BIRC3: variants seen among roughly 807,000 people sequenced by gnomAD.
BIRC3 encodes the protein baculoviral IAP repeat-containing protein 3.
A neutral mutation model predicts 59.0 loss-of-function variants in BIRC3; 26 were observed. The ratio of observed to expected loss-of-function variants is 0.44; its 90% CI spans 0.32 to 0.61. The LOEUF (loss-of-function observed/expected upper bound fraction) is 0.61. BIRC3 is among the 20% of genes least tolerant of loss of function. BIRC3 has a pLI of 0.04. For synonymous variants in BIRC3, 243 were observed against 249.2 expected (o/e 0.98, Z 0.24); for missense variants, 641 against 711.5 (o/e 0.90, Z 1.13).
At chr11:102,334,775 G>C (rs985020645) in intron 6 of BIRC3, among the ~76,000 whole-genome samples, 3 of 152,196 alleles carry the variant, frequency 2.0e-5, no homozygotes, top group East Asian at 3.8e-4. Context: ...TCTAGGTCTT[G>C]AAGGAGAATT....
chr11:102,331,047 T>A lies in BIRC3; in HGVS notation c.1130T>A (p.Met377Lys). ...GEDHSEDAIM[M>K]NTPVINAAVE... is the part of the protein sequence containing the mutation. ...GACCATTCAGAAGATGCAATCATGA[T>A]GAATACTCCTGTGATTAATGCTGCC... The change falls in exon 6 of 9, where the codon ATG becomes AAG. Residue 377 changes from methionine to lysine, a missense_variant. Transcript: ENST00000263464. 6.2e-7 allele frequency: 1 copy of A among 1,613,826 alleles called. No individual in the cohort carries two copies. The highest frequency in any genetic ancestry group is 2.2e-5 in the East Asian group (1 of 44,820).
chr11:102,333,119 T>C (rs1951161182), intron 6 of BIRC3, among the ~76,000 whole-genome samples: 1 of 152,190 alleles, frequency 6.6e-6, no homozygotes. Context: ...TATATATATA[T>C]CTCTACTACC....
chr11:102,323,691 GA>G lies in BIRC3; in HGVS notation c.-816del, dbSNP rs1951053950. Reference sequence around the variant, plus strand: ...ACTAGTAAATCTCTTTATTTGGAGAGAAATTTTAGATTGTTTTGTTCTCCTT... The same window carrying G: ...ACTAGTAAATCTCTTTATTTGGAGAGAATTTTAGATTGTTTTGTTCTCCTT... On this transcript the variant is annotated 5_prime_UTR_variant, in exon 2 of 9. Transcript: ENST00000263464. 1 of 198,062 alleles carries G rather than the reference GA, an allele frequency of 5.0e-6. No homozygotes were observed. Among genetic ancestry groups the G allele is most frequent in the Non-Finnish European group, 1.0e-5 (1 of 95,894 alleles). 12.3% of individuals were successfully genotyped at this position (198,062 alleles called of 1,614,324 possible).
In BIRC3 at chr11:102,325,010, T is replaced by A; in HGVS notation, c.501T>A (p.Asn167Lys). Residue 167 changes from asparagine to lysine, a missense_variant, in exon 2 of 9, where the codon AAT (asparagine) becomes AAA (lysine). Transcript: ENST00000263464. ...LMRSSYHCAM[N>K]NENARLLTFQ... ...GAAGTTCCTACCACTGTGCAATGAA[T>A]AACGAAAATGCCAGATTACTTACTT... 6.2e-7 allele frequency: 1 copy of A among 1,614,192 alleles called. No individual in the cohort carries two copies. The highest frequency in any genetic ancestry group is 1.1e-5 in the South Asian group (1 of 91,082).
At chr11:102,326,513 A>G (rs1951082504) in intron 3 of BIRC3, among the ~76,000 whole-genome samples, 1 of 151,932 alleles carries the variant, frequency 6.6e-6, no homozygotes, top group African/African-American at 2.4e-5. Flanking sequence ...AGTTTTTTAC[A>G]CTCTCCTTTT....
intron 5 of BIRC3, among the ~76,000 whole-genome samples, chr11:102,330,244 A>T (rs985550876): frequency 6.6e-6 from 1 of 152,214 alleles, no homozygotes; most frequent in Non-Finnish European, 1.5e-5. Flanking sequence ...ACAAAGGAGA[A>T]TAGGCACCTT....
Position 102,328,094 on chromosome 11 carries a change from T to C in BIRC3, c.996T>C (p.Arg332=), listed in dbSNP as rs772804840. The C allele has an allele frequency of 8.7e-6, 14 of 1,609,878 alleles. No individual in the cohort carries two copies. The highest frequency in any genetic ancestry group is 1.2e-5 in the Non-Finnish European group (14 of 1,178,810). ...LIRIKGQEFI[R]QVQASYPHLL... ...GAATTAAAGGACAGGAGTTCATCCG[T>C]CAAGTTCAAGCCAGTTACCCTCATC... Residue 332 remains arginine (R), a synonymous_variant, in exon 4 of 9, where the codon CGT becomes CGC. Transcript: ENST00000263464.
In BIRC3 at chr11:102,317,939, G is replaced by T. The variant is rs1950987601; in HGVS notation, c.-2674+368G>T. Among the ~76,000 whole-genome samples, 3 of 152,194 alleles carry T rather than the reference G, an allele frequency of 2.0e-5. No homozygotes were observed. In the South Asian group the frequency reaches 6.2e-4, roughly 31 times the overall value. Reference sequence around the variant, plus strand: ...TAAGGCAGAGCTCTGGCACAGGAAGGAAGTAAAACGTTTAATGAGCAAATG... The same window carrying T: ...TAAGGCAGAGCTCTGGCACAGGAAGTAAGTAAAACGTTTAATGAGCAAATG... On this transcript the variant is annotated intron_variant, in intron 1 of 8. Coordinates refer to ENST00000263464, the MANE Select transcript of BIRC3 (RefSeq NM_001165.5).
chr11:102,335,388 G>T (rs1430508479), intron 6 of BIRC3, among the ~76,000 whole-genome samples: 1 of 152,164 alleles, frequency 6.6e-6, no homozygotes, highest in East Asian at 1.9e-4. Flanking sequence ...AGTTCCATTT[G>T]GTTAAAGGCT....
rs1471568052 is a variant in BIRC3, at chr11:102,331,249, G to C, written c.1324+8G>C. ...CTGAGGAAAAAGAATCAAGTATGTA[G>C]ATTTATTAATACAGTCTATTTTCAT... On this transcript the variant is annotated splice_region_variant and intron_variant, in intron 6 of 8. Transcript: ENST00000263464. 1 of 1,601,614 alleles carries C rather than the reference G, an allele frequency of 6.2e-7. No homozygotes were observed. The highest frequency in any genetic ancestry group is 1.7e-5 in the Admixed American group (1 of 57,732).
chr11:102,328,054 G>A lies in BIRC3; in HGVS notation c.956G>A (p.Cys319Tyr). The A allele has an allele frequency of 6.2e-7, 1 of 1,601,538 alleles. No individual in the cohort carries two copies. The highest frequency in any genetic ancestry group is 8.5e-7 in the Non-Finnish European group (1 of 1,175,224). The stretch of plus-strand genomic sequence containing the variant: ...ATTTTATTTTCTTTACATTTTAGGT[G>A]TGAGTACTTGATAAGAATTAAAGGA... ...WVQHAKWFPR[C>Y]EYLIRIKGQE... is the part of the protein sequence containing the mutation. Residue 319 changes from cysteine to tyrosine, a missense_variant and splice_region_variant, in exon 4 of 9, where the codon TGT becomes TAT. By Grantham distance (194) the Cys-to-Tyr change is radical. Around this residue, in one of 4 missense-constraint regions of BIRC3, gnomAD observed 3 missense variants for 16.9 expected, o/e 0.18. Transcript: ENST00000263464.
intron 3 of BIRC3, 84 bp from the exon 4 acceptor site, chr11:102,327,968 C>T (rs1280296081): frequency 5.8e-6 from 6 of 1,032,436 alleles, no homozygotes; most frequent in African/African-American, 1.6e-5. Flanking sequence ...GGAATAAACA[C>T]CTAGAGATGA....
intron 3 of BIRC3, 142 bp from the exon 4 acceptor site, chr11:102,327,910 T>C: frequency 1.7e-6 from 1 of 602,250 alleles, no homozygotes; most frequent in Non-Finnish European, 2.8e-6. Context: ...TTAGAATAAA[T>C]GATCTTAAAT....
chr11:102,332,671 C>A (rs374016879), intron 6 of BIRC3, among the ~76,000 whole-genome samples: 50 of 152,284 alleles, frequency 3.3e-4, no homozygotes, highest in South Asian at 2.5e-3. Flanking sequence ...AGGGATAAAT[C>A]CAACCCTGCC....
rs753691651 is a variant in BIRC3, at chr11:102,324,863, A to C, written c.354A>C (p.Thr118=). The C allele has an allele frequency of 1.4e-5, 22 of 1,614,214 alleles. No homozygotes were observed. The highest frequency in any genetic ancestry group is 1.9e-5 in the Non-Finnish European group (22 of 1,180,034). ...TSQPTFPSSV[T]NSTHSLLPGT... ...AGCCTACTTTTCCTTCTTCAGTAACAAATTCCACACACTCATTACTTCCGG... is the reference window on the plus strand; with the variant it reads ...AGCCTACTTTTCCTTCTTCAGTAACCAATTCCACACACTCATTACTTCCGG... The change falls in exon 2 of 9, where the codon ACA becomes ACC. Residue 118 remains threonine, a synonymous_variant. Coordinates refer to ENST00000263464, the MANE Select transcript of BIRC3 (RefSeq NM_001165.5).
At chr11:102,328,867 TA>T in intron 4 of BIRC3, 29 bp from the exon 5 acceptor site, 1 of 767,766 alleles carries the variant, frequency 1.3e-6, no homozygotes, top group Non-Finnish European at 1.7e-6. Flanking sequence ...TTTATATATA[TA>T]TATATATATA....
At chr11:102,318,793 G>C (rs1294032137) in intron 1 of BIRC3, among the ~76,000 whole-genome samples, 1 of 152,188 alleles carries the variant, frequency 6.6e-6, no homozygotes, top group Non-Finnish European at 1.5e-5. Flanking sequence ...TATCAGAGAA[G>C]CCCAGGGAAT....
chr11:102,326,119 C>T (rs1035865678), intron 3 of BIRC3, among the ~76,000 whole-genome samples: 1 of 152,172 alleles, frequency 6.6e-6, no homozygotes, highest in African/African-American at 2.4e-5. Context: ...TATTGGCAGG[C>T]ATTGTTCTGG....
chr11:102,331,197 T>C lies in BIRC3; in HGVS notation c.1280T>C (p.Ile427Thr). The change falls in exon 6 of 9, where the codon ATA becomes ACA. Residue 427 changes from isoleucine to threonine, a missense_variant. Transcript: ENST00000263464. ...VLDLLNAEDEIREEERERATE... is the reference protein window; with the variant it reads ...VLDLLNAEDETREEERERATE... ...GACTTACTCAATGCAGAAGATGAAATAAGGGAAGAGGAGAGAGAAAGAGCA... is the reference window on the plus strand; with the variant it reads ...GACTTACTCAATGCAGAAGATGAAACAAGGGAAGAGGAGAGAGAAAGAGCA... The C allele has an allele frequency of 6.2e-7, 1 of 1,613,178 alleles. No individual in the cohort carries two copies. The highest frequency in any genetic ancestry group is 8.5e-7 in the Non-Finnish European group (1 of 1,179,666).
Sources: allele counts gnomAD v4.1 joint callset (sites outside exome capture counted in the v4.1 genomes callset), GRCh38; gene constraint gnomAD v4.1.1; regional missense constraint gnomAD v4.1.1; transcripts MANE v1.5; gene names NCBI Gene and HGNC (gene_info 2026-07-23, HGNC 2026-07-21).